The following PAFAH1B2 variants were observed in gnomAD, a reference collection of about 807,000 sequenced individuals.
The protein encoded by PAFAH1B2 is platelet-activating factor acetylhydrolase IB subunit alpha2.
Under a neutral mutation model 28.0 loss-of-function variants are expected in PAFAH1B2, and 8 were observed. The ratio of observed to expected loss-of-function variants is 0.29; its 90% confidence interval spans 0.17 to 0.52. PAFAH1B2 has a LOEUF of 0.52. Ranked by LOEUF, PAFAH1B2 falls within the 20% of genes least tolerant of loss-of-function variation. The probability of loss-of-function intolerance (pLI) is 0.97; values close to 1 mark genes in which losing one functional copy is unlikely to be tolerated. For missense variants in PAFAH1B2, 190 were observed against 282.6 expected (o/e 0.67, Z 2.35); for synonymous variants, 104 against 103.2 (o/e 1.01, Z -0.05).
intron 2 of PAFAH1B2, among the ~76,000 whole-genome samples, chr11:117,153,840 T>C (rs1956206842): frequency 6.6e-6 from 1 of 152,118 alleles, no homozygotes; most frequent in African/African-American, 2.4e-5. Context: ...ATTAAAATCA[T>C]GAGATGTAAT....
At chr11:117,147,296 A>G (rs993293522) in intron 1 of PAFAH1B2, among the ~76,000 whole-genome samples, 17 of 152,106 alleles carry the variant, frequency 1.1e-4, no homozygotes, top group Admixed American at 7.9e-4. Context: ...TTTAATTTTT[A>G]TTTTTGAGAC....
downstream of PAFAH1B2, among the ~76,000 whole-genome samples, chr11:117,174,210 G>T (rs1956732138): frequency 6.7e-6 from 1 of 150,080 alleles, no homozygotes; most frequent in African/African-American, 2.5e-5. Context: ...GTGTGTGGCA[G>T]TTTCACTCTT....
At chr11:117,167,340 C>T (rs1956535475) in intron 5 of PAFAH1B2, 81 bp from the exon 6 acceptor site, 3 of 1,369,802 alleles carry the variant, frequency 2.2e-6, no homozygotes, top group South Asian at 3.4e-5. Context: ...TGGAGATGTT[C>T]CAGGAATATC....
At chr11:117,174,228 A>C (rs1956732313), downstream of PAFAH1B2, among the ~76,000 whole-genome samples, 2 of 144,170 alleles carry the variant, frequency 1.4e-5, no homozygotes, top group Non-Finnish European at 3.1e-5. Context: ...CTTGTTGCCC[A>C]GGCTGGAGCA....
intron 3 of PAFAH1B2, among the ~76,000 whole-genome samples, chr11:117,160,766 A>C (rs1052494216): frequency 1.1e-4 from 17 of 151,760 alleles, no homozygotes; most frequent in Non-Finnish European, 2.9e-5. Context: ...CCCAAGGGAA[A>C]TTTAAAAGAT....
At position 117,162,435 on chromosome 11, in the gene PAFAH1B2, T is replaced by C. The variant is rs571322039; in HGVS notation, c.288+1174T>C. On this transcript the variant is annotated intron_variant, in intron 4 of 5. Coordinates refer to ENST00000527958, the MANE Select transcript of PAFAH1B2 (RefSeq NM_002572.4). Reference sequence around the variant, plus strand: ...CTGGGATTATAGGCTTGAGCTACCATGCGAGACTGTGATTTTTTTTTTTTT... The same window carrying C: ...CTGGGATTATAGGCTTGAGCTACCACGCGAGACTGTGATTTTTTTTTTTTT... 5.0e-5 allele frequency among the ~76,000 whole-genome samples: 7 copies of C among 140,904 alleles called. No homozygotes were observed. In the South Asian group the frequency reaches 1.1e-3, roughly 22 times the overall value. 92.4% of individuals were successfully genotyped at this position (140,904 alleles called of 152,430 possible).
In PAFAH1B2 at chr11:117,169,332, A is replaced by C; in HGVS notation, c.*1633A>C. On this transcript the variant is annotated 3_prime_UTR_variant, in exon 6 of 6. Coordinates refer to ENST00000527958, the MANE Select transcript of PAFAH1B2 (RefSeq NM_002572.4). ...TGGGATAATAGATGATTTTATCAGT[A>C]TACCTGTGGAATATGTACAAACTGG... is the stretch of plus-strand genomic sequence containing the variant. 1 of 1,048,750 alleles carries C rather than the reference A, an allele frequency of 9.5e-7. No homozygotes were observed. The highest frequency in any genetic ancestry group is 1.7e-5 in the African/African-American group (1 of 60,320). 65.0% of individuals were successfully genotyped at this position (1,048,750 alleles called of 1,614,324 possible).
chr11:117,174,971 C>T, downstream of PAFAH1B2: 3 of 1,489,654 alleles, frequency 2.0e-6, no homozygotes, highest in Non-Finnish European at 2.7e-6. Flanking sequence ...TCCCTGTCCT[C>T]TCACCCCAAA....
chr11:117,167,349 T>G, intron 5 of PAFAH1B2, 72 bp from the exon 6 acceptor site: 1 of 1,413,660 alleles, frequency 7.1e-7, no homozygotes, highest in Non-Finnish European at 9.4e-7. Context: ...TCCAGGAATA[T>G]CTGAAGTTAT....
downstream of PAFAH1B2, among the ~76,000 whole-genome samples, chr11:117,172,390 ATATATATATATATATTTTTT>A (rs1956686957): frequency 5.3e-4 from 1 of 1,878 alleles, no homozygotes. Flanking sequence ...ATATATATAT[ATATATATATATATATTTTTT>A]TTTTTTTTTT....
chr11:117,169,836 T>A lies in PAFAH1B2; in HGVS notation c.*2137T>A. The A allele has an allele frequency of 9.5e-7, 1 of 1,055,592 alleles. No homozygotes were observed. The highest frequency in any genetic ancestry group is 4.3e-4 in the Middle Eastern group (1 of 2,340). The allele number at this position is 1,055,592 out of a possible 1,614,324, so 65.4% of individuals were successfully genotyped here. ...GTTTTCTATCCACGTCTTTTTCTGT[T>A]TGTCAGAAGGTGGGAGTATGGTCCA... On this transcript the variant is annotated 3_prime_UTR_variant, in exon 6 of 6. Transcript: ENST00000527958.
downstream of PAFAH1B2, among the ~76,000 whole-genome samples, chr11:117,172,348 T>TATATATATATA (rs1956666878): frequency 1.1e-5 from 1 of 91,234 alleles, no homozygotes; most frequent in African/African-American, 4.0e-5. Flanking sequence ...CATTCTAGCT[T>TATATATATATA]TATATATATA....
intron 1 of PAFAH1B2, among the ~76,000 whole-genome samples, chr11:117,146,809 T>C (rs531896004): frequency 2.7e-4 from 39 of 146,072 alleles, no homozygotes; most frequent in African/African-American, 9.7e-4. Context: ...AAGATCAGCC[T>C]GAACAATATG....
rs1395212412 is a variant in PAFAH1B2 at position 117,170,198 on chromosome 11, AC to A, written c.*2500del. The stretch of plus-strand genomic sequence containing the variant: ...ACAGAACTTACTGCTTAGTCTTTGT[AC>A]TTTTTAAAAAATCTATAAATTTAAT... On this transcript the variant is annotated 3_prime_UTR_variant, in exon 6 of 6. Transcript: ENST00000527958. The A allele has an allele frequency of 9.5e-7, 1 of 1,057,470 alleles. No individual in the cohort carries two copies. Among genetic ancestry groups the A allele is most frequent in the African/African-American group, 1.7e-5 (1 of 60,530 alleles). The allele number at this position is 1,057,470 out of a possible 1,614,324, so 65.5% of individuals were successfully genotyped here. A position where few individuals can be genotyped will look rare whatever the true frequency, so the allele number is the denominator to read the frequency against.
exon 6 of PAFAH1B2, chr11:117,176,705 C>T (rs1051714591): frequency 1.0e-4 from 16 of 157,618 alleles, no homozygotes; most frequent in Admixed American, 3.9e-4. Flanking sequence ...GGTGAAACCC[C>T]GCTTTACTAA....
intron 1 of PAFAH1B2, among the ~76,000 whole-genome samples, chr11:117,150,309 C>T (rs546426999): frequency 4.1e-4 from 63 of 152,166 alleles, no homozygotes; most frequent in African/African-American, 1.3e-3. Flanking sequence ...CCACCATGCC[C>T]GGCTAATTTT....
chr11:117,152,424 TA>T lies in PAFAH1B2; in HGVS notation c.-7-16del. 6.6e-7 allele frequency: 1 copy of T among 1,513,654 alleles called. No individual in the cohort carries two copies. The highest frequency in any genetic ancestry group is 2.3e-5 in the East Asian group (1 of 44,414). 93.8% of individuals were successfully genotyped at this position (1,513,654 alleles called of 1,614,324 possible). A position where few individuals can be genotyped will look rare whatever the true frequency, so the allele number is the denominator to read the frequency against. ...TCCTGTTAACAAATGAAACATGACA[TA>T]GACGTTTTTTCTCAGGTGTAGAATG... On this transcript the variant is annotated splice_polypyrimidine_tract_variant and intron_variant, in intron 1 of 5. Coordinates refer to ENST00000527958, the MANE Select transcript of PAFAH1B2 (RefSeq NM_002572.4).
chr11:117,152,430 T>G lies in PAFAH1B2; in HGVS notation c.-7-11T>G. On this transcript the variant is annotated splice_polypyrimidine_tract_variant and intron_variant, in intron 1 of 5. Coordinates refer to ENST00000527958, the MANE Select transcript of PAFAH1B2 (RefSeq NM_002572.4). ...TAACAAATGAAACATGACATAGACG[T>G]TTTTTCTCAGGTGTAGAATGAGCCA... is the stretch of plus-strand genomic sequence containing the variant. 6.3e-7 allele frequency: 1 copy of G among 1,579,412 alleles called. No individual in the cohort carries two copies. Among genetic ancestry groups the G allele is most frequent in the East Asian group, 2.2e-5 (1 of 44,738 alleles).
At chr11:117,147,074 C>A (rs1956029476) in intron 1 of PAFAH1B2, among the ~76,000 whole-genome samples, 1 of 151,908 alleles carries the variant, frequency 6.6e-6, no homozygotes, top group Admixed American at 6.6e-5. Flanking sequence ...TTCGAGACCA[C>A]CCTGACCAAT....
Sources: allele counts gnomAD v4.1 joint callset (sites outside exome capture counted in the v4.1 genomes callset), GRCh38; gene constraint gnomAD v4.1.1; transcripts MANE v1.5; gene names NCBI Gene and HGNC (gene_info 2026-07-23, HGNC 2026-07-21).